The following MYRIP variants were observed in gnomAD, a reference collection of about 807,000 sequenced individuals.
The protein encoded by MYRIP is rab effector MyRIP.
MYRIP carries 49 observed loss-of-function variants against 98.0 expected under a neutral mutation model. The ratio of observed to expected loss-of-function variants is 0.50; its 90% confidence interval spans 0.40 to 0.63. The LOEUF (loss-of-function observed/expected upper bound fraction) is 0.63. Ranked by LOEUF, MYRIP falls within the 30% of genes least tolerant of loss-of-function variation. The pLI, the probability that MYRIP is intolerant of heterozygous loss-of-function variation, is 0.00. For missense variants in MYRIP, 1,004 were observed against 1,058.2 expected (o/e 0.95, Z 0.71); for synonymous variants, 404 against 409.5 (o/e 0.99, Z 0.16).
At chr3:39,813,576 G>C (rs1335185475) in intron 1 of MYRIP, among the ~76,000 whole-genome samples, 1 of 152,202 alleles carries the variant, frequency 6.6e-6, no homozygotes, top group Non-Finnish European at 1.5e-5. Flanking sequence ...GCAAGCCGGA[G>C]TGAAGGTTAA....
intron 2 of MYRIP, among the ~76,000 whole-genome samples, chr3:39,946,427 A>G (rs1036834008): frequency 7.2e-5 from 11 of 152,096 alleles, no homozygotes. Context: ...AGAAAGGAAA[A>G]TTATCCAGAT....
chr3:39,897,728 AG>A (rs1943646727), intron 1 of MYRIP, among the ~76,000 whole-genome samples: 4 of 152,296 alleles, frequency 2.6e-5, no homozygotes, highest in Non-Finnish European at 5.9e-5. Context: ...TTGTAGAAAA[AG>A]GAAGAAGCTT....
chr3:40,203,073 G>C (rs949439244), intron 10 of MYRIP, among the ~76,000 whole-genome samples: 2 of 151,900 alleles, frequency 1.3e-5, no homozygotes, highest in Non-Finnish European at 2.9e-5. Flanking sequence ...GGGATTACAG[G>C]TGCATACAAC....
intron 8 of MYRIP, among the ~76,000 whole-genome samples, chr3:40,178,919 C>T (rs572590523): frequency 6.6e-6 from 1 of 152,278 alleles, no homozygotes; most frequent in East Asian, 1.9e-4. Context: ...ACTCCCCCTG[C>T]AGCCCCCTTG....
At chr3:39,993,677 C>T (rs913300966) in intron 2 of MYRIP, among the ~76,000 whole-genome samples, 14 of 152,174 alleles carry the variant, frequency 9.2e-5, no homozygotes, top group African/African-American at 2.2e-4. Context: ...GAAAAGCATT[C>T]GGAGACAAAC....
chr3:39,811,110 C>T (rs1005819865), intron 1 of MYRIP, among the ~76,000 whole-genome samples: 4 of 152,116 alleles, frequency 2.6e-5, no homozygotes, highest in African/African-American at 9.7e-5. Context: ...GTGTTGTGGG[C>T]GCTTCTCAGA....
Position 40,166,963 on chromosome 3 carries a change from T to C in MYRIP, c.648+20T>C, listed in dbSNP as rs1248968583. 2 of 1,578,734 alleles carry C rather than the reference T, an allele frequency of 1.3e-6. No homozygotes were observed. Among genetic ancestry groups the C allele is most frequent in the Admixed American group, 1.7e-5 (1 of 59,876 alleles). On this transcript the variant is annotated intron_variant, in intron 6 of 16. Transcript: ENST00000302541. ...AGCCTGGTAGGGCCCCTCCTGCTCCTCTCTGTGGGGGGAGGTGTGGGTTGG... is the reference window on the plus strand; with the variant it reads ...AGCCTGGTAGGGCCCCTCCTGCTCCCCTCTGTGGGGGGAGGTGTGGGTTGG...
chr3:39,992,411 G>T (rs957690411), intron 2 of MYRIP, among the ~76,000 whole-genome samples: 2 of 152,046 alleles, frequency 1.3e-5, no homozygotes, highest in African/African-American at 2.4e-5. Context: ...TCATTGTTTT[G>T]CTCCAAAGTC....
chr3:40,041,013 T>A (rs1308442892), intron 2 of MYRIP, among the ~76,000 whole-genome samples: 39 of 62,376 alleles, frequency 6.3e-4, no homozygotes, highest in East Asian at 1.4e-3. Context: ...AAAGAAAATA[T>A]TACCAGCAGA....
intron 10 of MYRIP, among the ~76,000 whole-genome samples, chr3:40,198,484 G>A (rs1036073931): frequency 1.3e-5 from 2 of 152,114 alleles, no homozygotes; most frequent in Admixed American, 6.5e-5. Context: ...AAAAAATTTC[G>A]CCATTCATTT....
intron 1 of MYRIP, among the ~76,000 whole-genome samples, chr3:39,877,456 T>A (rs1183180815): frequency 6.6e-6 from 1 of 152,054 alleles, no homozygotes; most frequent in African/African-American, 2.4e-5. Context: ...CTCTGTTTTT[T>A]CCCCATCTTT....
chr3:40,136,157 A>C (rs1013213824), intron 3 of MYRIP, among the ~76,000 whole-genome samples: 1 of 152,130 alleles, frequency 6.6e-6, no homozygotes, highest in South Asian at 2.1e-4. Flanking sequence ...TGCGGAGACA[A>C]ACATAGGCTC....
At chr3:40,046,997 T>C (rs1436611842) in intron 3 of MYRIP, among the ~76,000 whole-genome samples, 1 of 152,174 alleles carries the variant, frequency 6.6e-6, no homozygotes, top group Non-Finnish European at 1.5e-5. Context: ...GCATCTATTA[T>C]TAGTTACAAT....
intron 4 of MYRIP, among the ~76,000 whole-genome samples, chr3:40,155,850 T>G (rs1950223006): frequency 6.6e-6 from 1 of 151,804 alleles, no homozygotes; most frequent in Non-Finnish European, 1.5e-5. Context: ...TTTGTTTTTT[T>G]CTTGTAAATT....
At chr3:40,100,051 A>G in intron 3 of MYRIP, 1 of 984,900 alleles carries the variant, frequency 1.0e-6, no homozygotes, top group Non-Finnish European at 1.2e-6. Context: ...TCACTCTGGT[A>G]TTGCTCTCTA....
At chr3:40,116,759 CA>C (rs1406983824) in intron 3 of MYRIP, among the ~76,000 whole-genome samples, 1 of 152,192 alleles carries the variant, frequency 6.6e-6, no homozygotes, top group Non-Finnish European at 1.5e-5. Context: ...TTCTTAGCCA[CA>C]AATTAATACA....
intron 3 of MYRIP, among the ~76,000 whole-genome samples, chr3:40,115,681 T>C (rs981847241): frequency 6.6e-6 from 1 of 152,174 alleles, no homozygotes; most frequent in Non-Finnish European, 1.5e-5. Flanking sequence ...AAATATGGTA[T>C]TTCTATTCTC....
chr3:39,953,379 G>A (rs559987965), intron 2 of MYRIP, among the ~76,000 whole-genome samples: 1 of 152,190 alleles, frequency 6.6e-6, no homozygotes, highest in Non-Finnish European at 1.5e-5. Flanking sequence ...TTCACTTTTG[G>A]AGAGAACTGG....
At chr3:39,907,755 G>GA (rs533759090) in intron 2 of MYRIP, among the ~76,000 whole-genome samples, 5 of 152,282 alleles carry the variant, frequency 3.3e-5, no homozygotes, top group African/African-American at 9.6e-5. Context: ...TGTAGATGAA[G>GA]AAACACGCTC....
Sources: allele counts gnomAD v4.1 joint callset (sites outside exome capture counted in the v4.1 genomes callset), GRCh38; gene constraint gnomAD v4.1.1; transcripts MANE v1.5; gene names NCBI Gene and HGNC (gene_info 2026-07-23, HGNC 2026-07-21).